ARHGEF28: variants seen among roughly 807,000 people sequenced by gnomAD.
ARHGEF28 encodes 190 kDa guanine nucleotide exchange factor.
In ARHGEF28, 152 loss-of-function variants were observed where a neutral mutation model predicts 206.6. The observed-to-expected ratio is 0.74, with a 90% CI of 0.64 to 0.84. The LOEUF (loss-of-function observed/expected upper bound fraction) is 0.84. ARHGEF28 is among the 40% of genes least tolerant of loss of function. The pLI is 0.00. For missense variants in ARHGEF28, 2,028 were observed against 2,073.2 expected, an observed-to-expected ratio of 0.98 and a Z score of 0.42; for synonymous variants, 763 against 776.4, an observed-to-expected ratio of 0.98 and a Z score of 0.29.
chr5:73,815,428 T>C (rs1187350471), intron 9 of ARHGEF28, among the ~76,000 whole-genome samples: 1 of 152,140 alleles, frequency 6.6e-6, no homozygotes, highest in African/African-American at 2.4e-5. Context: ...ATGTAAATTG[T>C]TTTTGAGGGA....
At chr5:73,646,362 C>G (rs941644787) in intron 1 of ARHGEF28, among the ~76,000 whole-genome samples, 2 of 152,180 alleles carry the variant, frequency 1.3e-5, no homozygotes, top group African/African-American at 4.8e-5. Context: ...TTTGGCTGTT[C>G]CCTCCTTGAG....
At chr5:73,879,193 A>G (rs945153001) in intron 22 of ARHGEF28, among the ~76,000 whole-genome samples, 3 of 152,026 alleles carry the variant, frequency 2.0e-5, no homozygotes, top group African/African-American at 7.3e-5. Flanking sequence ...CATCACTGAT[A>G]CCCTTCCTTC....
chr5:73,861,822 A>G (rs1407848296), intron 16 of ARHGEF28, among the ~76,000 whole-genome samples: 3 of 150,578 alleles, frequency 2.0e-5, no homozygotes, highest in Non-Finnish European at 4.4e-5. Flanking sequence ...TTTACCCACA[A>G]CTTTTTTTAG....
chr5:73,926,356 G>A (rs1421416869), intron 35 of ARHGEF28, among the ~76,000 whole-genome samples: 1 of 152,182 alleles, frequency 6.6e-6, no homozygotes, highest in African/African-American at 2.4e-5. Flanking sequence ...GTGGCAGCAT[G>A]TGCAGGTAAA....
At chr5:73,783,663 C>T (rs1330036837) in intron 7 of ARHGEF28, among the ~76,000 whole-genome samples, 2 of 152,042 alleles carry the variant, frequency 1.3e-5, no homozygotes, top group South Asian at 2.1e-4. Flanking sequence ...TGAGTGAGGT[C>T]CTGAAAGTGT....
chr5:73,869,645 G>A (rs938365070), intron 20 of ARHGEF28, among the ~76,000 whole-genome samples: 1 of 152,186 alleles, frequency 6.6e-6, no homozygotes, highest in Non-Finnish European at 1.5e-5. Flanking sequence ...GGTGGCTCAG[G>A]CCTGTAATCC....
chr5:73,792,132 A>G (rs1754517945), intron 7 of ARHGEF28, among the ~76,000 whole-genome samples: 1 of 152,234 alleles, frequency 6.6e-6, no homozygotes, highest in African/African-American at 2.4e-5. Context: ...TCAGCACAGT[A>G]TCACTAATAT....
chr5:73,909,784 C>T lies in ARHGEF28; in HGVS notation c.4534C>T (p.Arg1512Cys). ...CCTGGAGCGGCTGAGGGAGGGCCAG[C>T]GCCTGGTGGAGAGGGAGCAGGCGAG... ...HSLERLREGQ[R>C]LVEREQARMR... The change falls in exon 34 of 36, where the codon CGC becomes TGC. Residue 1512 changes from arginine to cysteine, a missense_variant. Physicochemically the swap from Arg to Cys is radical, Grantham distance 180 (BLOSUM62 -3). Coordinates refer to ENST00000513042, the MANE Select transcript of ARHGEF28 (RefSeq NM_001177693.2). 4 of 1,516,734 alleles carry T rather than the reference C, an allele frequency of 2.6e-6. No homozygotes were observed. Among genetic ancestry groups the T allele is most frequent in the Non-Finnish European group, 2.6e-6 (3 of 1,136,842 alleles). 94.0% of individuals were successfully genotyped at this position (1,516,734 alleles called of 1,614,324 possible). A position where few individuals can be genotyped will look rare whatever the true frequency, so the allele number is the denominator to read the frequency against.
At chr5:73,728,494 T>C (rs2112344781) in intron 2 of ARHGEF28, among the ~76,000 whole-genome samples, 1 of 152,348 alleles carries the variant, frequency 6.6e-6, no homozygotes, top group East Asian at 1.9e-4. Flanking sequence ...ATTGGAATCA[T>C]AGAGAATAGT....
At chr5:73,720,923 T>C (rs1480050797) in intron 2 of ARHGEF28, among the ~76,000 whole-genome samples, 2 of 152,254 alleles carry the variant, frequency 1.3e-5, no homozygotes, top group East Asian at 1.9e-4. Context: ...GAAAGATCCA[T>C]GCCTGTTCAA....
Position 73,840,516 on chromosome 5 carries a change from G to A in ARHGEF28, c.1183G>A (p.Gly395Arg), listed in dbSNP as rs1364605816. The change falls in exon 11 of 36, where the codon GGA (glycine) becomes AGA (arginine). Residue 395 changes from glycine (G) to arginine (R), a missense_variant. Gly to Arg is a moderately radical substitution (Grantham distance 125, BLOSUM62 -2). Around this residue, in one of 3 missense-constraint regions of ARHGEF28, gnomAD observed 1,002 missense variants for 1,015.3 expected, o/e 0.99. Coordinates refer to ENST00000513042, the MANE Select transcript of ARHGEF28 (RefSeq NM_001177693.2). ...GGATATCAGCTATATTAATATAGAG[G>A]GAATCACTGCCACTACCAGCCCTGA... The part of the protein sequence containing the change: ...DLDISYINIE[G>R]ITATTSPESR... 1 of 1,613,812 alleles carries A rather than the reference G, an allele frequency of 6.2e-7. No individual in the cohort carries two copies. Among genetic ancestry groups the A allele is most frequent in the Admixed American group, 1.7e-5 (1 of 60,004 alleles).
At chr5:73,657,988 A>G (rs1561313807) in intron 1 of ARHGEF28, among the ~76,000 whole-genome samples, 1 of 152,120 alleles carries the variant, frequency 6.6e-6, no homozygotes, top group African/African-American at 2.4e-5. Flanking sequence ...ATGAGTCTTT[A>G]TTTTATGACT....
intron 4 of ARHGEF28, among the ~76,000 whole-genome samples, chr5:73,764,140 C>T (rs906744162): frequency 3.9e-5 from 6 of 152,180 alleles, no homozygotes; most frequent in East Asian, 1.9e-4. Flanking sequence ...TTATCATGTC[C>T]GTTTTACAGA....
At chr5:73,923,029 C>A in intron 35 of ARHGEF28, 1 of 1,460,192 alleles carries the variant, frequency 6.8e-7, no homozygotes, top group Non-Finnish European at 9.2e-7. Context: ...AATATTTTGG[C>A]CAAAATGTGA....
rs1055684596 is a variant in ARHGEF28 at position 73,892,293 on chromosome 5, A to C, written c.3566+63A>C. 25 of 1,496,838 alleles carry C rather than the reference A, an allele frequency of 1.7e-5. No homozygotes were observed. The South Asian group carries it at 3.3e-4, about 20-fold the overall frequency. The allele number at this position is 1,496,838 out of a possible 1,614,324, so 92.7% of individuals were successfully genotyped here. ...TTGTTCAACTGGGGAAAATATTCTAACCATGTCTTCCTGCATGAAAACTTT... is the reference window on the plus strand; with the variant it reads ...TTGTTCAACTGGGGAAAATATTCTACCCATGTCTTCCTGCATGAAAACTTT... On this transcript the variant is annotated intron_variant, in intron 27 of 35. Coordinates refer to ENST00000513042, the MANE Select transcript of ARHGEF28 (RefSeq NM_001177693.2).
intron 1 of ARHGEF28, among the ~76,000 whole-genome samples, chr5:73,667,619 C>A (rs963403909): frequency 1.3e-5 from 2 of 152,164 alleles, no homozygotes; most frequent in African/African-American, 2.4e-5. Flanking sequence ...AGTTGATTGG[C>A]CACACCTTTA....
intron 22 of ARHGEF28, among the ~76,000 whole-genome samples, chr5:73,880,590 C>T (rs1435607988): frequency 6.6e-6 from 1 of 152,176 alleles, no homozygotes; most frequent in East Asian, 1.9e-4. Flanking sequence ...TTTAAGGATT[C>T]TTTGTCTAGC....
At chr5:73,736,802 G>A (rs1425525296) in intron 2 of ARHGEF28, among the ~76,000 whole-genome samples, 2 of 141,496 alleles carry the variant, frequency 1.4e-5, no homozygotes, top group Non-Finnish European at 3.1e-5. Context: ...GGTAAGGTTT[G>A]TAAACAACGT....
chr5:73,891,431 C>T (rs1446969967), intron 26 of ARHGEF28, among the ~76,000 whole-genome samples: 1 of 152,070 alleles, frequency 6.6e-6, no homozygotes, highest in Admixed American at 6.6e-5. Context: ...AGTTTCCTAT[C>T]TCATGCTCTC....
Sources: allele counts gnomAD v4.1 joint callset (sites outside exome capture counted in the v4.1 genomes callset), GRCh38; gene constraint gnomAD v4.1.1; regional missense constraint gnomAD v4.1.1; transcripts MANE v1.5; gene names NCBI Gene and HGNC (gene_info 2026-07-23, HGNC 2026-07-21).